The following SLC39A11 variants were observed in gnomAD, a reference collection of about 807,000 sequenced individuals.
SLC39A11 encodes zinc transporter ZIP11.
Under a neutral mutation model 36.1 loss-of-function variants are expected in SLC39A11, and 33 were observed. The ratio of observed to expected loss-of-function variants is 0.91; its 90% CI spans 0.69 to 1.22. SLC39A11 has a LOEUF of 1.22. SLC39A11 is among the 50% of genes most tolerant of loss of function. The probability of loss-of-function intolerance (pLI) is 0.00; values close to 1 mark genes in which losing one functional copy is unlikely to be tolerated. For synonymous variants in SLC39A11, 166 were observed against 170.3 expected (o/e 0.97, Z 0.20); for missense variants, 432 against 430.3 (o/e 1.00, Z -0.03).
At chr17:72,991,551 G>T (rs955660369) in intron 4 of SLC39A11, among the ~76,000 whole-genome samples, 8 of 152,112 alleles carry the variant, frequency 5.3e-5, no homozygotes, top group Middle Eastern at 3.4e-3. Flanking sequence ...AGAGATGGGG[G>T]TTTCACCATG....
At chr17:72,647,715 C>A in intron 9 of SLC39A11, 53 bp from the exon 10 acceptor site, 1 of 1,473,754 alleles carries the variant, frequency 6.8e-7, no homozygotes, top group Non-Finnish European at 9.4e-7. Context: ...CCTGAGGCCA[C>A]GGCTAGGCTG....
intron 4 of SLC39A11, among the ~76,000 whole-genome samples, chr17:73,012,631 G>A (rs1392277703): frequency 6.6e-6 from 1 of 151,894 alleles, no homozygotes; most frequent in Non-Finnish European, 1.5e-5. Flanking sequence ...GAGTAGGACT[G>A]AACCTGTCAC....
chr17:72,769,164 T>C (rs534059304), intron 6 of SLC39A11, among the ~76,000 whole-genome samples: 13 of 152,312 alleles, frequency 8.5e-5, no homozygotes, highest in Admixed American at 3.9e-4. Context: ...TCTTAGCCAG[T>C]GGCTCTGTCT....
At chr17:72,961,021 C>T (rs183718809) in intron 4 of SLC39A11, among the ~76,000 whole-genome samples, 68 of 152,196 alleles carry the variant, frequency 4.5e-4, no homozygotes, top group South Asian at 1.5e-3. Context: ...TCCAGGAACA[C>T]GAGGGTGAGA....
At chr17:73,021,933 C>A (rs1237081857) in intron 4 of SLC39A11, among the ~76,000 whole-genome samples, 1 of 152,246 alleles carries the variant, frequency 6.6e-6, no homozygotes, top group Non-Finnish European at 1.5e-5. Flanking sequence ...AGCAAGCCAG[C>A]CCACGCAGTG....
chr17:72,962,292 T>A (rs973591209), intron 4 of SLC39A11, among the ~76,000 whole-genome samples: 2 of 152,174 alleles, frequency 1.3e-5, no homozygotes, highest in Non-Finnish European at 2.9e-5. Flanking sequence ...ACCGTTTCCA[T>A]GGGGCCAGAG....
rs1567921497 is a variant in SLC39A11 at position 72,665,397 on chromosome 17, T to TG, written c.672-16130_672-16129insC. Among the ~76,000 whole-genome samples the TG allele has an allele frequency of 1.2e-4, 15 of 125,430 alleles. No homozygotes were observed. In the East Asian group the frequency reaches 2.1e-3, roughly 17 times the overall value. 82.3% of individuals were successfully genotyped at this position (125,430 alleles called of 152,430 possible). A position where few individuals can be genotyped will look rare whatever the true frequency, so the allele number is the denominator to read the frequency against. The stretch of plus-strand genomic sequence containing the variant: ...CCACCAAGTTTTGAGGTGTTTTTTT[T>TG]TTTTTTTTTTTTTGAGACAGGGTCT... On this transcript the variant is annotated intron_variant, in intron 7 of 9. Transcript: ENST00000255559.
intron 3 of SLC39A11, among the ~76,000 whole-genome samples, chr17:73,076,159 C>CAA (rs200415892): frequency 2.6e-4 from 31 of 118,344 alleles, no homozygotes; most frequent in African/African-American, 7.3e-4. Context: ...ATGCCTCAGG[C>CAA]AAAAAAAAAA....
intron 7 of SLC39A11, among the ~76,000 whole-genome samples, chr17:72,731,201 T>A (rs1311419301): frequency 3.9e-5 from 6 of 152,238 alleles, no homozygotes; most frequent in African/African-American, 1.4e-4. Context: ...TGGCAGTTAC[T>A]TTTTCTTGGC....
At position 73,031,631 on chromosome 17, in the gene SLC39A11, G is replaced by T. The variant is rs1598933138; in HGVS notation, c.231C>A (p.Ala77=). Residue 77 remains alanine (A), a synonymous_variant, in exon 4 of 10, where the codon GCC becomes GCA. Coordinates refer to ENST00000255559, the MANE Select transcript of SLC39A11 (RefSeq NM_139177.4). ...ATSSGGFGAF[A]FFPVAVGFTL... ...TGAAGCCAACAGCCACAGGGAAGAA[G>T]GCAAAGGCACCGAAGCCCCCAGAGG... 1.2e-6 allele frequency: 2 copies of T among 1,614,176 alleles called. No individual in the cohort carries two copies. The highest frequency in any genetic ancestry group is 3.3e-4 in the Middle Eastern group (2 of 6,060).
chr17:72,729,430 TATATATATATATATATATATATA>T (rs2074092020), intron 7 of SLC39A11, among the ~76,000 whole-genome samples: 9 of 3,178 alleles, frequency 2.8e-3, no homozygotes, highest in South Asian at 0.011. Context: ...TATATATATA[TATATATATATATATATATATATA>T]TATATTTTTT....
chr17:72,831,237 G>A (rs1306717346), intron 6 of SLC39A11, among the ~76,000 whole-genome samples: 1 of 152,044 alleles, frequency 6.6e-6, no homozygotes, highest in African/African-American at 2.4e-5. Context: ...AAACTCTCTG[G>A]GAATGACAGC....
chr17:72,936,410 GTAAAAAAAAAAAAAA>G (rs2084756827), intron 5 of SLC39A11, among the ~76,000 whole-genome samples: 1 of 2,542 alleles, frequency 3.9e-4, no homozygotes, highest in African/African-American at 1.2e-3. Flanking sequence ...CTGAAAAAAA[GTAAAAAAAAAAAAAA>G]AAAAAAAAAA....
chr17:73,016,338 ATTT>A (rs11293390), intron 4 of SLC39A11, among the ~76,000 whole-genome samples: 24 of 144,920 alleles, frequency 1.7e-4, no homozygotes, highest in African/African-American at 5.0e-4. Flanking sequence ...CAGAAAGTTG[ATTT>A]TTTTTTTTTT....
At chr17:72,907,238 C>A (rs373638517) in intron 5 of SLC39A11, among the ~76,000 whole-genome samples, 1 of 152,236 alleles carries the variant, frequency 6.6e-6, no homozygotes, top group Non-Finnish European at 1.5e-5. Context: ...AACTGTAATA[C>A]CTGCACTTCG....
chr17:72,953,800 C>T (rs1300432258), intron 4 of SLC39A11, among the ~76,000 whole-genome samples: 2 of 152,352 alleles, frequency 1.3e-5, no homozygotes, highest in South Asian at 2.1e-4. Flanking sequence ...TCTGGCTCTT[C>T]CTCACTGGGG....
intron 6 of SLC39A11, among the ~76,000 whole-genome samples, chr17:72,779,067 C>T (rs1396965872): frequency 2.0e-5 from 3 of 152,316 alleles, no homozygotes; most frequent in Non-Finnish European, 4.4e-5. Flanking sequence ...GCAAGGAATA[C>T]GTTGGATGAG....
Position 72,931,632 on chromosome 17 carries a change from G to A in SLC39A11, c.430+16120C>T, listed in dbSNP as rs529510339. ...CCCCTCCCCAGGTGTCCTTATTCTT[G>A]GTTCAAGGTTGAGGAATCTTGGAAC... On this transcript the variant is annotated intron_variant, in intron 5 of 9. Coordinates refer to ENST00000255559, the MANE Select transcript of SLC39A11 (RefSeq NM_139177.4). Among the ~76,000 whole-genome samples, 3 of 152,308 alleles carry A rather than the reference G, an allele frequency of 2.0e-5. No homozygotes were observed. The South Asian group carries it at 6.2e-4, about 32-fold the overall frequency.
intron 5 of SLC39A11, among the ~76,000 whole-genome samples, chr17:72,853,218 G>A (rs1187350433): frequency 1.3e-5 from 2 of 150,696 alleles, no homozygotes; most frequent in African/African-American, 4.9e-5. Context: ...AGTAGAGACA[G>A]GGTTTTGCTG....
Sources: gnomAD v4.1 joint callset for allele counts (sites outside exome capture counted in the v4.1 genomes callset) on GRCh38, gnomAD v4.1.1 for gene constraint, MANE v1.5 for transcripts, NCBI Gene and HGNC (gene_info 2026-07-23, HGNC 2026-07-21) for gene names.